SH3RF2: variants seen among roughly 807,000 people sequenced by gnomAD.
SH3RF2 encodes the protein E3 ubiquitin-protein ligase SH3RF2.
A neutral mutation model predicts 59.0 loss-of-function variants in SH3RF2; 43 were observed. The observed-to-expected ratio is 0.73, with a 90% confidence interval of 0.57 to 0.94. SH3RF2 has a LOEUF of 0.94. Ranked by LOEUF, SH3RF2 falls within the 40% of genes least tolerant of loss-of-function variation. The pLI is 0.00. For missense variants in SH3RF2, 930 were observed against 940.1 expected (o/e 0.99, Z 0.14); for synonymous variants, 391 against 391.5 (o/e 1.00, Z 0.01).
At chr5:146,008,605 T>C (rs1580851477) in intron 4 of SH3RF2, among the ~76,000 whole-genome samples, 1 of 152,200 alleles carries the variant, frequency 6.6e-6, no homozygotes, top group East Asian at 1.9e-4. Context: ...CACTTCGAAA[T>C]AGCAGCTGAA....
Position 146,060,121 on chromosome 5 carries a change from A to G in SH3RF2, c.1811A>G (p.Asp604Gly), listed in dbSNP as rs1460589155. 1.2e-6 allele frequency: 2 copies of G among 1,614,054 alleles called. No homozygotes were observed. The change falls in exon 9 of 10, where the codon GAC becomes GGC. Residue 604 changes from aspartate to glycine, a missense_variant. By Grantham distance (94) the Asp-to-Gly change is moderately conservative. Coordinates refer to ENST00000359120, the MANE Select transcript of SH3RF2 (RefSeq NM_152550.4). ...HSAASSLIME[D>G]KEIPIKSEPL... is the part of the protein sequence containing the mutation. ...GCGGCCAGCTCCCTCATTATGGAAG[A>G]CAAAGAAATCCCCATCAAGAGTGAG...
chr5:146,037,487 A>G (rs1338331392), intron 5 of SH3RF2, among the ~76,000 whole-genome samples: 2 of 152,136 alleles, frequency 1.3e-5, no homozygotes, highest in Non-Finnish European at 2.9e-5. Flanking sequence ...GGGGGTCCGC[A>G]TTGGCTGGGG....
rs146796063 is a variant in SH3RF2, at chr5:145,994,812, G to A, written c.379-5246G>A. 6.4e-3 allele frequency among the ~76,000 whole-genome samples: 975 copies of A among 152,196 alleles called. 16 individuals are homozygous for A. Among genetic ancestry groups the A allele is most frequent in the African/African-American group, 0.022 (931 of 41,498 alleles). On this transcript the variant is annotated intron_variant, in intron 2 of 9. Coordinates refer to ENST00000359120, the MANE Select transcript of SH3RF2 (RefSeq NM_152550.4). ...TGAAATAATACACACCTCAAAGATT[G>A]TTGTGAGAATTAGAGAGTGCTTAGC...
intron 2 of SH3RF2, among the ~76,000 whole-genome samples, chr5:145,980,607 A>C (rs539011815): frequency 6.6e-6 from 1 of 152,290 alleles, no homozygotes; most frequent in African/African-American, 2.4e-5. Context: ...AATTCCTAAA[A>C]CTAGGATTTT....
At chr5:146,028,344 C>T (rs534747355) in intron 5 of SH3RF2, among the ~76,000 whole-genome samples, 21 of 152,320 alleles carry the variant, frequency 1.4e-4, no homozygotes, top group African/African-American at 4.8e-4. Flanking sequence ...ACAGACAGAC[C>T]TTGATGGTGC....
downstream of SH3RF2, among the ~76,000 whole-genome samples, chr5:146,064,667 AAAGAAAGAAAGAAAGAAAG>A (rs1763014779): frequency 3.3e-3 from 14 of 4,284 alleles, no homozygotes; most frequent in African/African-American, 7.0e-3. Flanking sequence ...AGAGAAAGAG[AAAGAAAGAAAGAAAGAAAG>A]AAAGAAAGAA....
At chr5:146,077,156 G>A (rs998144178) in intron 9 of SH3RF2, among the ~76,000 whole-genome samples, 6 of 152,142 alleles carry the variant, frequency 3.9e-5, no homozygotes, top group African/African-American at 1.2e-4. Flanking sequence ...CATAAAGATC[G>A]AACTTCTGTT....
chr5:146,000,005 G>C (rs1760334082), intron 2 of SH3RF2, 53 bp from the exon 3 acceptor site: 1 of 1,570,482 alleles, frequency 6.4e-7, no homozygotes, highest in African/African-American at 1.4e-5. Context: ...TGTATCTTCT[G>C]TTCCTCTAGA....
intron 2 of SH3RF2, among the ~76,000 whole-genome samples, chr5:145,979,196 A>T (rs1759417137): frequency 6.6e-6 from 1 of 152,206 alleles, no homozygotes; most frequent in East Asian, 1.9e-4. Context: ...ACCTGGGGGA[A>T]CTGGCTAGAA....
chr5:145,939,857 G>A (rs1052287926), intron 2 of SH3RF2, among the ~76,000 whole-genome samples: 7 of 152,276 alleles, frequency 4.6e-5, no homozygotes, highest in East Asian at 1.9e-4. Flanking sequence ...GCCTTTCAGC[G>A]GAGTATCATC....
chr5:145,936,900 C>T (rs942935091), intron 1 of SH3RF2: 5 of 152,246 alleles, frequency 3.3e-5, no homozygotes, highest in Admixed American at 2.6e-4. Flanking sequence ...CTGACTTCTT[C>T]CAGACTTTTC....
At chr5:145,961,372 A>G (rs1200646523) in intron 2 of SH3RF2, among the ~76,000 whole-genome samples, 1 of 152,050 alleles carries the variant, frequency 6.6e-6, no homozygotes, top group South Asian at 2.1e-4. Context: ...TTCTCTAAGA[A>G]CCACTGTTTC....
intron 5 of SH3RF2, among the ~76,000 whole-genome samples, chr5:146,017,708 G>T (rs1364768458): frequency 1.3e-5 from 2 of 151,962 alleles, no homozygotes; most frequent in Non-Finnish European, 2.9e-5. Context: ...AATAGTTATT[G>T]CTATTGCCCA....
At chr5:146,029,045 C>T (rs1016927570) in intron 5 of SH3RF2, among the ~76,000 whole-genome samples, 7 of 152,182 alleles carry the variant, frequency 4.6e-5, no homozygotes, top group Non-Finnish European at 8.8e-5. Flanking sequence ...CAACAATAAA[C>T]AAAGGCACAA....
chr5:145,986,422 C>T (rs1759707335), intron 2 of SH3RF2, among the ~76,000 whole-genome samples: 2 of 152,120 alleles, frequency 1.3e-5, no homozygotes, highest in Non-Finnish European at 2.9e-5. Context: ...TCACCCACCA[C>T]GTGCCACACC....
At chr5:145,996,314 GA>G (rs1231076087) in intron 2 of SH3RF2, among the ~76,000 whole-genome samples, 2 of 152,134 alleles carry the variant, frequency 1.3e-5, no homozygotes, top group African/African-American at 4.8e-5. Context: ...CCACTGCTTG[GA>G]AAAGCACAAA....
chr5:145,995,685 C>T (rs1004597945), intron 2 of SH3RF2, among the ~76,000 whole-genome samples: 6 of 151,944 alleles, frequency 3.9e-5, no homozygotes, highest in Non-Finnish European at 7.4e-5. Context: ...AGAAAAAAAG[C>T]GTTTTTTCAA....
chr5:146,077,241 A>T (rs1763356132), intron 9 of SH3RF2, among the ~76,000 whole-genome samples: 1 of 152,150 alleles, frequency 6.6e-6, no homozygotes, highest in Non-Finnish European at 1.5e-5. Flanking sequence ...CCTCTGGAGC[A>T]TCCTCAGCCT....
intron 2 of SH3RF2, among the ~76,000 whole-genome samples, chr5:145,959,028 G>A (rs907794137): frequency 2.0e-5 from 3 of 152,178 alleles, no homozygotes; most frequent in Non-Finnish European, 4.4e-5. Context: ...TCCAGGTAGA[G>A]AAGCAGGGAA....
Sources: gnomAD v4.1 joint callset for allele counts (sites outside exome capture counted in the v4.1 genomes callset) on GRCh38, gnomAD v4.1.1 for gene constraint, MANE v1.5 for transcripts, NCBI Gene and HGNC (gene_info 2026-07-23, HGNC 2026-07-21) for gene names.